The following HACL2 variants were observed in gnomAD, a reference collection of about 807,000 sequenced individuals.
HACL2 encodes 2-hydroxyacyl-CoA lyase 2.
At chr19:15,123,073 TCAAGCCC>T in the HACL2 span, 1 of 1,610,790 alleles carries the variant, frequency 6.2e-7, no homozygotes, top group East Asian at 2.2e-5. The surrounding 1 kb of genome is among the most constrained non-coding windows in gnomAD (Gnocchi z 5.1). Context: ...CATGAGCCCT[TCAAGCCC>T]CCCTAGGCCC....
chr19:15,115,292 A>T, the HACL2 span: 3 of 1,614,162 alleles, frequency 1.9e-6, no homozygotes, highest in Admixed American at 5.0e-5. Flanking sequence ...CGTCCTCCCA[A>T]TGAGGATGTT....
At chr19:15,123,697 C>T in the HACL2 span, 1 of 819,974 alleles carries the variant, frequency 1.2e-6, no homozygotes, top group Non-Finnish European at 1.9e-6. The surrounding 1 kb of genome is among the most constrained non-coding windows in gnomAD (Gnocchi z 5.1). Context: ...TCAAGAGAAG[C>T]TTGGTCTTGG....
the HACL2 span, chr19:15,119,073 C>A: frequency 7.3e-7 from 1 of 1,373,658 alleles, no homozygotes; most frequent in Non-Finnish European, 9.8e-7. Context: ...ACAATAGGTG[C>A]CCACTAGACC....
At chr19:15,122,704 T>G in the HACL2 span, 2 of 1,614,080 alleles carry the variant, frequency 1.2e-6, no homozygotes, top group Non-Finnish European at 1.7e-6. This position sits in a 1 kb window ranked among gnomAD's most constrained non-coding sequence, Gnocchi z 4.0. Flanking sequence ...AGGAGACCAC[T>G]CGGCCCACGA....
chr19:15,125,050 G>A, the HACL2 span: 1 of 1,552,272 alleles, frequency 6.4e-7, no homozygotes, highest in Non-Finnish European at 8.7e-7. Flanking sequence ...GCGGCCGCGG[G>A]GGTCTCCATG....
At chr19:15,115,373 T>C in the HACL2 span, 1 of 1,614,120 alleles carries the variant, frequency 6.2e-7, no homozygotes. Flanking sequence ...CTGATCCTCG[T>C]TCTCCCGTGA....
the HACL2 span, chr19:15,116,275 CCTGCA>C: frequency 6.2e-6 from 10 of 1,613,936 alleles, no homozygotes; most frequent in Non-Finnish European, 8.5e-6. Flanking sequence ...AGCTGCAGCA[CCTGCA>C]CTGGGTTCAG....
chr19:15,120,019 G>C, the HACL2 span: 603 of 1,550,632 alleles, frequency 3.9e-4, 3 homozygotes, highest in African/African-American at 7.1e-3. Flanking sequence ...CAGGGGCAGC[G>C]GTCCCTCGGG....
chr19:15,121,614 G>C, the HACL2 span, among the ~76,000 whole-genome samples: 1 of 151,890 alleles, frequency 6.6e-6, no homozygotes, highest in African/African-American at 2.4e-5. Flanking sequence ...TTCAAGACCA[G>C]CCTGGCCAAC....
At chr19:15,116,230 C>G in the HACL2 span, 4 of 1,613,984 alleles carry the variant, frequency 2.5e-6, no homozygotes, top group Non-Finnish European at 3.4e-6. Flanking sequence ...CCATCCACCA[C>G]CAGAATTGAG....
At chr19:15,115,859 G>A in the HACL2 span, 1 of 1,614,020 alleles carries the variant, frequency 6.2e-7, no homozygotes, top group Non-Finnish European at 8.5e-7. Flanking sequence ...CCTTGTGTCT[G>A]ACGAATGTAT....
the HACL2 span, chr19:15,122,889 T>A: frequency 1.2e-6 from 2 of 1,611,412 alleles, no homozygotes; most frequent in Non-Finnish European, 1.7e-6. This position sits in a 1 kb window ranked among gnomAD's most constrained non-coding sequence, Gnocchi z 4.0. Context: ...ATCCTCCACC[T>A]ACCTGGGGTG....
chr19:15,123,811 G>T, the HACL2 span: 7 of 572,462 alleles, frequency 1.2e-5, no homozygotes, highest in African/African-American at 1.3e-4. This position sits in a 1 kb window ranked among gnomAD's most constrained non-coding sequence, Gnocchi z 5.1. Context: ...ATCAAGGCTT[G>T]CCCAAGTAAG....
the HACL2 span, among the ~76,000 whole-genome samples, chr19:15,121,182 C>T: frequency 6.6e-6 from 1 of 152,272 alleles, no homozygotes; most frequent in Admixed American, 6.5e-5. Context: ...TCACTTGAAC[C>T]CGGGAGGTGG....
the HACL2 span, chr19:15,125,383 C>T: frequency 3.8e-5 from 12 of 317,270 alleles, no homozygotes; most frequent in Non-Finnish European, 6.4e-5. Flanking sequence ...CACTTACCTA[C>T]TTGTCAATGG....
At chr19:15,116,219 G>A in the HACL2 span, 1,131,529 of 1,613,562 alleles carry the variant, frequency 0.7, 399,514 homozygotes, top group Non-Finnish European at 0.72. Flanking sequence ...CGAAGTCCCC[G>A]CCATCCACCA....
the HACL2 span, chr19:15,122,644 G>T: frequency 6.7e-7 from 1 of 1,495,222 alleles, no homozygotes; most frequent in Non-Finnish European, 9.3e-7. This position sits in a 1 kb window ranked among gnomAD's most constrained non-coding sequence, Gnocchi z 4.0. Context: ...GGAAGCTGCA[G>T]GAGAGAACGG....
chr19:15,116,706 C>G, the HACL2 span: 3 of 590,612 alleles, frequency 5.1e-6, no homozygotes, highest in East Asian at 8.5e-5. Context: ...CAGGGGAGGG[C>G]AGCCCAGGTG....
the HACL2 span, chr19:15,116,808 T>C: frequency 2.3e-6 from 1 of 433,916 alleles, no homozygotes; most frequent in Non-Finnish European, 4.2e-6. Context: ...TCCACCTCCT[T>C]CTGCCTGGGA....
Sources: gnomAD v4.1 joint callset for allele counts (sites outside exome capture counted in the v4.1 genomes callset) on GRCh38, gnomAD v4.1.1 for gene constraint, Gnocchi (gnomAD v3.1) non-coding constraint, MANE v1.5 for transcripts, NCBI Gene and HGNC (gene_info 2026-07-23, HGNC 2026-07-21) for gene names.